Variants in RGS7 observed in about 807,000 individuals in gnomAD.
RGS7 encodes regulator of G protein signaling 7.
Under a neutral mutation model 81.1 loss-of-function variants are expected in RGS7, and 27 were observed. The ratio of observed to expected loss-of-function variants is 0.33; its 90% CI spans 0.25 to 0.46. RGS7 has a LOEUF of 0.46. Ranked by LOEUF, RGS7 falls within the 20% of genes least tolerant of loss-of-function variation. The pLI, the probability that RGS7 is intolerant of heterozygous loss-of-function variation, is 1.00. For missense variants in RGS7, 396 were observed against 607.4 expected (o/e 0.65, Z 3.66); for synonymous variants, 208 against 207.7 (o/e 1.00, Z -0.01).
chr1:241,166,654 T>C (rs2070273474), intron 2 of RGS7, among the ~76,000 whole-genome samples: 1 of 152,164 alleles, frequency 6.6e-6, no homozygotes, highest in Non-Finnish European at 1.5e-5. Context: ...GACTGTACTA[T>C]CCAATAAACC....
intron 4 of RGS7, among the ~76,000 whole-genome samples, chr1:240,978,370 CAT>C (rs1405753051): frequency 2.6e-5 from 4 of 151,986 alleles, no homozygotes; most frequent in Non-Finnish European, 5.9e-5. Flanking sequence ...ATCAATGAAA[CAT>C]AACTTACAAG....
intron 2 of RGS7, among the ~76,000 whole-genome samples, chr1:241,301,178 A>C (rs1480642921): frequency 6.6e-6 from 1 of 152,248 alleles, no homozygotes; most frequent in African/African-American, 2.4e-5. Context: ...TGGTTTTCAC[A>C]TTCTACCCTG....
intron 14 of RGS7, among the ~76,000 whole-genome samples, chr1:240,807,038 G>T (rs186512768): frequency 6.6e-6 from 1 of 152,282 alleles, no homozygotes; most frequent in African/African-American, 2.4e-5. Context: ...ATGTGTAGAG[G>T]CATCATTGCA....
chr1:240,776,118 G>A lies in RGS7; in HGVS notation c.*102C>T, dbSNP rs888698411. ...AGGTCACAACATTGAGCTACAAAGT[G>A]TGTGCAGTGACTCCAGTCTGCATTC... On this transcript the variant is annotated 3_prime_UTR_variant, in exon 19 of 19. Coordinates refer to ENST00000440928, the MANE Select transcript of RGS7 (RefSeq NM_001364886.1). 4 of 1,410,336 alleles carry A rather than the reference G, an allele frequency of 2.8e-6. No homozygotes were observed. The highest frequency in any genetic ancestry group is 1.7e-5 in the Admixed American group (1 of 59,764). 87.4% of individuals were successfully genotyped at this position (1,410,336 alleles called of 1,614,324 possible). A position where few individuals can be genotyped will look rare whatever the true frequency, so the allele number is the denominator to read the frequency against.
chr1:240,831,065 C>T (rs893583553), intron 9 of RGS7, among the ~76,000 whole-genome samples: 4 of 152,032 alleles, frequency 2.6e-5, no homozygotes, highest in Admixed American at 6.6e-5. Context: ...AGAGACTGAA[C>T]GGTAAGATAT....
In RGS7 at chr1:240,956,383, A is replaced by T. The variant is rs761285236; in HGVS notation, c.227-19677T>A. On this transcript the variant is annotated intron_variant, in intron 4 of 18. Transcript: ENST00000440928. The stretch of plus-strand genomic sequence containing the variant: ...CCAAAGTACCAAAAACAAAAAACAA[A>T]AAAACAAAAAAAAAACCCACTATGG... Among the ~76,000 whole-genome samples, 78 of 44,740 alleles carry T rather than the reference A, an allele frequency of 1.7e-3. No individual in the cohort carries two copies. The Middle Eastern group carries it at 0.044, about 25-fold the overall frequency. 29.4% of individuals were successfully genotyped at this position (44,740 alleles called of 152,430 possible).
At chr1:241,049,547 C>T (rs1230913314) in intron 3 of RGS7, among the ~76,000 whole-genome samples, 1 of 152,084 alleles carries the variant, frequency 6.6e-6, no homozygotes, top group African/African-American at 2.4e-5. Flanking sequence ...AAGGGCTTTC[C>T]CCTACCTTTA....
At position 241,147,780 on chromosome 1, in the gene RGS7, T is replaced by TTTTATATA. The variant is rs1428939736; in HGVS notation, c.79-49019_79-49018insTATATAAA. 6.6e-3 allele frequency among the ~76,000 whole-genome samples: 294 copies of TTTTATATA among 44,640 alleles called. 13 individuals are homozygous for TTTTATATA. In the Middle Eastern group the frequency reaches 0.068, roughly 10 times the overall value. 29.3% of individuals were successfully genotyped at this position (44,640 alleles called of 152,430 possible). A position where few individuals can be genotyped will look rare whatever the true frequency, so the allele number is the denominator to read the frequency against. On this transcript the variant is annotated intron_variant, in intron 2 of 18. Transcript: ENST00000440928. ...TTAAATATCCCATCTAGATTAAGTTTTATATATATATATATATATATATAT... is the reference window on the plus strand; with the variant it reads ...TTAAATATCCCATCTAGATTAAGTTTTTTATATATATATATATATATATATATATATAT...
chr1:240,823,213 G>A (rs1383481881), intron 10 of RGS7: 3 of 823,382 alleles, frequency 3.6e-6, no homozygotes, highest in South Asian at 1.4e-5. Flanking sequence ...GGACTTCTTC[G>A]TATTCTTGTG....
At chr1:241,226,285 A>G (rs535358632) in intron 2 of RGS7, among the ~76,000 whole-genome samples, 88 of 152,336 alleles carry the variant, frequency 5.8e-4, no homozygotes, top group African/African-American at 1.6e-3. Flanking sequence ...TGTGCAAAAC[A>G]ATAAGCTTCC....
At chr1:241,175,180 G>A (rs1364195287) in intron 2 of RGS7, among the ~76,000 whole-genome samples, 2 of 152,082 alleles carry the variant, frequency 1.3e-5, no homozygotes, top group Non-Finnish European at 2.9e-5. Context: ...GGGATTACAG[G>A]TATGAGCCAC....
chr1:240,808,718 A>T (rs1265159354), intron 14 of RGS7, among the ~76,000 whole-genome samples: 1 of 152,142 alleles, frequency 6.6e-6, no homozygotes, highest in East Asian at 1.9e-4. Context: ...ATAGCTTAAT[A>T]GCATGGAGGA....
At chr1:241,351,393 T>C (rs2083238538) in intron 2 of RGS7, among the ~76,000 whole-genome samples, 2 of 149,974 alleles carry the variant, frequency 1.3e-5, no homozygotes, top group Admixed American at 6.7e-5. Flanking sequence ...CACTCCAGCC[T>C]GGTCAACAGA....
intron 9 of RGS7, among the ~76,000 whole-genome samples, chr1:240,855,400 A>G (rs1660923460): frequency 6.8e-6 from 1 of 147,892 alleles, no homozygotes; most frequent in Admixed American, 6.8e-5. Context: ...ATAATTTCTT[A>G]TATTTAGATA....
Position 240,776,228 on chromosome 1 carries a change from A to G in RGS7, c.*7-15T>C, listed in dbSNP as rs777159539. On this transcript the variant is annotated splice_polypyrimidine_tract_variant and intron_variant, in intron 18 of 18. Transcript: ENST00000440928. ...AGAGATTTCCCCTGAGAAAATATAT[A>G]AAACAAGAGAAAAGAAAGAAAATCA... 8 of 1,589,126 alleles carry G rather than the reference A, an allele frequency of 5.0e-6. No homozygotes were observed. The East Asian group carries it at 1.6e-4, about 31-fold the overall frequency.
intron 5 of RGS7, among the ~76,000 whole-genome samples, chr1:240,931,985 T>C (rs1452716606): frequency 6.6e-6 from 1 of 152,182 alleles, no homozygotes; most frequent in East Asian, 1.9e-4. Context: ...ATGGCAAATA[T>C]CAGTACTGTG....
intron 2 of RGS7, among the ~76,000 whole-genome samples, chr1:241,165,524 G>A (rs1005809686): frequency 2.0e-5 from 3 of 150,676 alleles, no homozygotes; most frequent in Admixed American, 6.6e-5. Flanking sequence ...GTAAACTATC[G>A]CAAGAACAAA....
chr1:240,913,774 G>C (rs193280852), intron 6 of RGS7, among the ~76,000 whole-genome samples: 2 of 151,442 alleles, frequency 1.3e-5, no homozygotes, highest in Non-Finnish European at 2.9e-5. Flanking sequence ...TTATCCCAGA[G>C]CATCTGTAAT....
chr1:240,910,675 G>T (rs541395229), intron 6 of RGS7, among the ~76,000 whole-genome samples: 11 of 152,196 alleles, frequency 7.2e-5, no homozygotes, highest in African/African-American at 2.4e-4. Context: ...TATATGTATT[G>T]CAACATCACT....
Sources: gnomAD v4.1 joint callset for allele counts (sites outside exome capture counted in the v4.1 genomes callset) on GRCh38, gnomAD v4.1.1 for gene constraint, MANE v1.5 for transcripts, NCBI Gene and HGNC (gene_info 2026-07-23, HGNC 2026-07-21) for gene names.